AGBL4: variants seen among roughly 807,000 people sequenced by gnomAD.
The protein encoded by AGBL4 is AGBL carboxypeptidase 4.
AGBL4 carries 58 observed loss-of-function variants against 66.4 expected under a neutral mutation model. The ratio of observed to expected loss-of-function variants is 0.87; its 90% CI spans 0.71 to 1.09. The LOEUF (loss-of-function observed/expected upper bound fraction) is 1.09. AGBL4 is among the 50% of genes least tolerant of loss of function. The probability of loss-of-function intolerance (pLI) is 0.00; values close to 1 mark genes in which losing one functional copy is unlikely to be tolerated. For synonymous variants in AGBL4, 234 were observed against 222.9 expected, an observed-to-expected ratio of 1.05 and a Z score of -0.44; for missense variants, 579 against 631.0, an observed-to-expected ratio of 0.92 and a Z score of 0.88.
intron 3 of AGBL4, among the ~76,000 whole-genome samples, chr1:49,269,991 T>C (rs761396234): frequency 6.6e-6 from 1 of 152,124 alleles, no homozygotes; most frequent in Admixed American, 6.6e-5. Context: ...TGAAAAAATA[T>C]GAATTTCTTA....
intron 6 of AGBL4, among the ~76,000 whole-genome samples, chr1:48,832,838 A>G (rs997399067): frequency 6.6e-6 from 1 of 152,318 alleles, no homozygotes; most frequent in African/African-American, 2.4e-5. Context: ...CTAAGCTTAC[A>G]CATCTTCTCC....
chr1:48,937,167 A>G (rs1310075620), intron 5 of AGBL4, among the ~76,000 whole-genome samples: 1 of 152,220 alleles, frequency 6.6e-6, no homozygotes, highest in Non-Finnish European at 1.5e-5. Context: ...TTTCTATTAA[A>G]GCTGCCTGCA....
chr1:48,784,111 A>T (rs967798245), intron 6 of AGBL4, among the ~76,000 whole-genome samples: 1 of 152,172 alleles, frequency 6.6e-6, no homozygotes, highest in Non-Finnish European at 1.5e-5. Context: ...AATCTCTTCA[A>T]GCATCATTTT....
rs1386560999 is a variant in AGBL4 at position 49,395,745 on chromosome 1, ATG to A, written c.283-149883_283-149882del. Among the ~76,000 whole-genome samples, 351 of 139,744 alleles carry A rather than the reference ATG, an allele frequency of 2.5e-3. 2 individuals are homozygous for A. The highest frequency in any genetic ancestry group is 9.1e-3 in the African/African-American group (338 of 37,018). The allele number at this position is 139,744 out of a possible 152,430, so 91.7% of individuals were successfully genotyped here. A position where few individuals can be genotyped will look rare whatever the true frequency, so the allele number is the denominator to read the frequency against. On this transcript the variant is annotated intron_variant, in intron 3 of 13. Transcript: ENST00000371839. ...TGCCAAAATGTGTGTATATATATAT[ATG>A]TATATATATATATATACACATATAT...
chr1:49,657,270 G>T (rs1194467336), intron 3 of AGBL4, among the ~76,000 whole-genome samples: 1 of 152,096 alleles, frequency 6.6e-6, no homozygotes, highest in Non-Finnish European at 1.5e-5. Context: ...GCTTCAGAGA[G>T]AATAAAATAC....
rs530191298 is a variant in AGBL4, at chr1:49,530,964, G to A, written c.282+166349C>T. Among the ~76,000 whole-genome samples the A allele has an allele frequency of 3.4e-4, 51 of 152,164 alleles. 1 individual carries two copies. In the South Asian group the frequency reaches 9.8e-3, roughly 29 times the overall value. ...AAAAATACCTAAACACTGAGGATTA[G>A]ATGAAATAGTATATGTAAATACCTA... On this transcript the variant is annotated intron_variant, in intron 3 of 13. Coordinates refer to ENST00000371839, the MANE Select transcript of AGBL4 (RefSeq NM_032785.4).
At chr1:49,503,834 A>G (rs72900000) in intron 3 of AGBL4, among the ~76,000 whole-genome samples, 5,330 of 152,186 alleles carry the variant, frequency 0.035, 320 homozygotes, top group African/African-American at 0.12. Context: ...TTGGTGGCTC[A>G]TAATTGGAAG....
chr1:49,085,246 G>A (rs1644883981), intron 4 of AGBL4, among the ~76,000 whole-genome samples: 1 of 149,942 alleles, frequency 6.7e-6, no homozygotes, highest in South Asian at 2.1e-4. Flanking sequence ...TTAGCTCTCG[G>A]ATTTAGACTG....
chr1:49,856,450 C>G (rs1293475356), intron 1 of AGBL4, among the ~76,000 whole-genome samples: 1 of 152,030 alleles, frequency 6.6e-6, no homozygotes, highest in Non-Finnish European at 1.5e-5. Context: ...GCCAATTTCT[C>G]TAATGAACAT....
At chr1:48,845,256 A>G (rs1322755095) in intron 6 of AGBL4, among the ~76,000 whole-genome samples, 1 of 152,234 alleles carries the variant, frequency 6.6e-6, no homozygotes, top group Non-Finnish European at 1.5e-5. Context: ...TACCTGCCTC[A>G]TAGCTTCCAT....
chr1:49,877,826 A>T (rs1190329499), intron 1 of AGBL4, among the ~76,000 whole-genome samples: 1 of 151,422 alleles, frequency 6.6e-6, no homozygotes, highest in Non-Finnish European at 1.5e-5. Flanking sequence ...GATTATTGCC[A>T]CAATTTCAGC....
intron 2 of AGBL4, among the ~76,000 whole-genome samples, chr1:49,824,724 T>C (rs1049683291): frequency 5.9e-5 from 9 of 152,104 alleles, no homozygotes; most frequent in Non-Finnish European, 1.2e-4. Flanking sequence ...AAGCATAAAA[T>C]TACACCACGC....
At chr1:49,262,047 C>T (rs1318106845) in intron 3 of AGBL4, among the ~76,000 whole-genome samples, 5 of 151,826 alleles carry the variant, frequency 3.3e-5, no homozygotes, top group South Asian at 2.1e-4. Context: ...CTGAGAAAAA[C>T]AAGCAATGGG....
intron 2 of AGBL4, among the ~76,000 whole-genome samples, chr1:49,735,344 GAGAC>G (rs1286225105): frequency 6.6e-6 from 1 of 150,470 alleles, no homozygotes; most frequent in Non-Finnish European, 1.5e-5. Context: ...TAGAGAGAGA[GAGAC>G]AGATTTTAAG....
At chr1:49,268,649 G>A (rs934411743) in intron 3 of AGBL4, among the ~76,000 whole-genome samples, 1 of 152,038 alleles carries the variant, frequency 6.6e-6, no homozygotes, top group African/African-American at 2.4e-5. Context: ...TCTACCTGCT[G>A]CATGATTTCT....
chr1:48,793,398 A>G (rs1645596895), intron 6 of AGBL4, among the ~76,000 whole-genome samples: 1 of 152,174 alleles, frequency 6.6e-6, no homozygotes, highest in Non-Finnish European at 1.5e-5. Context: ...TAAAAGAAAA[A>G]AATCACCTAA....
chr1:48,740,882 T>A (rs1649812672), intron 6 of AGBL4, among the ~76,000 whole-genome samples: 1 of 152,200 alleles, frequency 6.6e-6, no homozygotes, highest in Non-Finnish European at 1.5e-5. Context: ...TTTAAAACTC[T>A]CTCTGCCTGA....
rs553950921 is a variant in AGBL4, at chr1:49,740,161, C to T, written c.158-42724G>A. On this transcript the variant is annotated intron_variant, in intron 2 of 13. Coordinates refer to ENST00000371839, the MANE Select transcript of AGBL4 (RefSeq NM_032785.4). The stretch of plus-strand genomic sequence containing the variant: ...TGCTGTATTCAGGAAACCCATCTCA[C>T]GTGCAGAGACACACATAGGCTTAAA... 1.1e-3 allele frequency among the ~76,000 whole-genome samples: 171 copies of T among 152,210 alleles called. 1 individual carries two copies. Among genetic ancestry groups the T allele is most frequent in the African/African-American group, 3.8e-3 (156 of 41,532 alleles).
chr1:48,820,215 G>C (rs1646280219), intron 6 of AGBL4, among the ~76,000 whole-genome samples: 1 of 152,046 alleles, frequency 6.6e-6, no homozygotes, highest in African/African-American at 2.4e-5. Flanking sequence ...CTGGGCCCTG[G>C]GACTTCCTTA....
Sources: allele counts gnomAD v4.1 joint callset (sites outside exome capture counted in the v4.1 genomes callset), GRCh38; gene constraint gnomAD v4.1.1; transcripts MANE v1.5; gene names NCBI Gene and HGNC (gene_info 2026-07-23, HGNC 2026-07-21).